The following NEGR1 variants were observed in gnomAD, a reference collection of about 807,000 sequenced individuals.
The protein encoded by NEGR1 is neuronal growth regulator 1, also known as IgLON family member 4.
NEGR1 carries 10 observed loss-of-function variants against 40.9 expected under a neutral mutation model. The observed-to-expected ratio is 0.24, with a 90% confidence interval of 0.15 to 0.42. NEGR1 has a LOEUF of 0.42. NEGR1 is among the 10% of genes least tolerant of loss of function. The probability of loss-of-function intolerance (pLI) is 1.00; values close to 1 mark genes in which losing one functional copy is unlikely to be tolerated. For missense variants in NEGR1, 352 were observed against 438.9 expected (o/e 0.80, Z 1.77); for synonymous variants, 185 against 166.8 (o/e 1.11, Z -0.84).
chr1:71,649,661 T>C (rs963251623), intron 4 of NEGR1, among the ~76,000 whole-genome samples: 1 of 152,146 alleles, frequency 6.6e-6, no homozygotes. Context: ...ATTTTTCTCT[T>C]TATTCTGTAA....
At chr1:71,715,817 T>C (rs1222454829) in intron 3 of NEGR1, among the ~76,000 whole-genome samples, 1 of 152,140 alleles carries the variant, frequency 6.6e-6, no homozygotes, top group Non-Finnish European at 1.5e-5. Context: ...TCAACAAATC[T>C]CTAGGAAGTA....
intron 6 of NEGR1, among the ~76,000 whole-genome samples, chr1:71,589,967 C>G (rs1256399563): frequency 6.6e-6 from 1 of 152,084 alleles, no homozygotes; most frequent in Non-Finnish European, 1.5e-5. Context: ...ACCTTTTATT[C>G]TAGCCATTTT....
intron 1 of NEGR1, among the ~76,000 whole-genome samples, chr1:72,093,327 C>CT (rs1648566520): frequency 4.4e-5 from 2 of 45,064 alleles, no homozygotes; most frequent in South Asian, 5.6e-4. Context: ...TAGACTCTGC[C>CT]TCAAAAAAAA....
intron 2 of NEGR1, among the ~76,000 whole-genome samples, chr1:71,834,889 A>T (rs1010567263): frequency 2.0e-4 from 30 of 149,972 alleles, no homozygotes; most frequent in Middle Eastern, 6.8e-3. Flanking sequence ...TTAGGAGATC[A>T]CACACACACA....
intron 1 of NEGR1, among the ~76,000 whole-genome samples, chr1:72,248,461 T>G (rs2100526082): frequency 6.6e-6 from 1 of 152,012 alleles, no homozygotes; most frequent in African/African-American, 2.4e-5. Flanking sequence ...TTTCGCCATG[T>G]TGGCCAGGCT....
At chr1:71,690,796 T>C (rs928167222) in intron 4 of NEGR1, among the ~76,000 whole-genome samples, 9 of 151,982 alleles carry the variant, frequency 5.9e-5, no homozygotes, top group African/African-American at 1.9e-4. Context: ...TAGCTCATAG[T>C]CAAACTCTAT....
chr1:71,949,990 C>T (rs916918931), intron 1 of NEGR1, among the ~76,000 whole-genome samples: 2 of 151,712 alleles, frequency 1.3e-5, no homozygotes, highest in South Asian at 2.1e-4. Context: ...GTAAAGAGGC[C>T]GTATAAAGAA....
chr1:71,592,725 A>G (rs1044357605), intron 6 of NEGR1, 92 bp downstream of exon 6: 2 of 1,000,966 alleles, frequency 2.0e-6, no homozygotes, highest in South Asian at 3.6e-5. Context: ...TGAGTTTTAA[A>G]ATGAACGTAC....
intron 1 of NEGR1, among the ~76,000 whole-genome samples, chr1:72,222,294 A>G (rs1418289559): frequency 6.6e-6 from 1 of 152,174 alleles, no homozygotes; most frequent in African/African-American, 2.4e-5. Flanking sequence ...GCAAAAGGCC[A>G]GCTTGCATGA....
At chr1:71,796,148 C>A (rs1239469244) in intron 2 of NEGR1, among the ~76,000 whole-genome samples, 2 of 152,164 alleles carry the variant, frequency 1.3e-5, no homozygotes, top group Non-Finnish European at 2.9e-5. Context: ...AATCTCCTGA[C>A]CTCTCTACCA....
chr1:71,661,284 A>C (rs192827731), intron 4 of NEGR1, among the ~76,000 whole-genome samples: 1 of 152,194 alleles, frequency 6.6e-6, no homozygotes, highest in Non-Finnish European at 1.5e-5. Context: ...AGGAAACAAC[A>C]GATGCTGGAC....
chr1:71,416,907 GTT>G (rs1457281307), intron 6 of NEGR1, among the ~76,000 whole-genome samples: 2 of 152,184 alleles, frequency 1.3e-5, no homozygotes, highest in Non-Finnish European at 2.9e-5. Context: ...TGCTCACAAA[GTT>G]AGAATCTGAA....
intron 1 of NEGR1, among the ~76,000 whole-genome samples, chr1:72,203,425 A>G (rs1653284816): frequency 6.6e-6 from 1 of 152,128 alleles, no homozygotes; most frequent in South Asian, 2.1e-4. Context: ...TGGAGGCTGA[A>G]GGTATGACTG....
intron 6 of NEGR1, among the ~76,000 whole-genome samples, chr1:71,562,640 G>C (rs1286072355): frequency 1.3e-5 from 2 of 151,874 alleles, no homozygotes; most frequent in Non-Finnish European, 2.9e-5. Flanking sequence ...GAAATTACTT[G>C]GATATTTAGC....
chr1:71,777,737 C>G (rs755486013), intron 2 of NEGR1, among the ~76,000 whole-genome samples: 1 of 151,634 alleles, frequency 6.6e-6, no homozygotes, highest in African/African-American at 2.4e-5. Flanking sequence ...TTTTGACAAC[C>G]AAAACTCAGC....
Position 71,955,592 on chromosome 1 carries a change from G to C in NEGR1, c.177-20281C>G, listed in dbSNP as rs150552805. Among the ~76,000 whole-genome samples, 858 of 152,252 alleles carry C rather than the reference G, an allele frequency of 5.6e-3. 4 individuals are homozygous for C. The highest frequency in any genetic ancestry group is 0.02 in the African/African-American group (816 of 41,558). On this transcript the variant is annotated intron_variant, in intron 1 of 6. Coordinates refer to ENST00000357731, the MANE Select transcript of NEGR1 (RefSeq NM_173808.3). ...AAATTCTTGTTTGCATCAGCCATTTGTGATTTACCATATAGATCAGTTTCT... is the reference window on the plus strand; with the variant it reads ...AAATTCTTGTTTGCATCAGCCATTTCTGATTTACCATATAGATCAGTTTCT...
intron 2 of NEGR1, among the ~76,000 whole-genome samples, chr1:71,802,859 T>C (rs1342201536): frequency 6.6e-6 from 1 of 152,192 alleles, no homozygotes. Context: ...GCAAGGAACT[T>C]TGCCTCAGGA....
At chr1:71,837,775 G>A (rs1659093000) in intron 2 of NEGR1, among the ~76,000 whole-genome samples, 1 of 152,016 alleles carries the variant, frequency 6.6e-6, no homozygotes, top group African/African-American at 2.4e-5. Flanking sequence ...GTAAAGCAAG[G>A]TCCATGAAAT....
At chr1:72,007,560 C>T (rs1413736596) in intron 1 of NEGR1, among the ~76,000 whole-genome samples, 1 of 151,908 alleles carries the variant, frequency 6.6e-6, no homozygotes, top group Non-Finnish European at 1.5e-5. Flanking sequence ...TGTCTTATGG[C>T]CACTAGTTAA....
Sources: allele counts gnomAD v4.1 joint callset (sites outside exome capture counted in the v4.1 genomes callset), GRCh38; gene constraint gnomAD v4.1.1; transcripts MANE v1.5; gene names NCBI Gene and HGNC (gene_info 2026-07-23, HGNC 2026-07-21).